The following ETV1 variants were observed in gnomAD, a reference collection of about 807,000 sequenced individuals.
The protein encoded by ETV1 is ETS variant transcription factor 1.
ETV1 carries 27 observed loss-of-function variants against 62.3 expected under a neutral mutation model. The ratio of observed to expected loss-of-function variants is 0.43; its 90% CI spans 0.32 to 0.60. The LOEUF is 0.60. Among genes scored for constraint, ETV1 ranks in the 20% least tolerant of loss-of-function variants. The pLI is 0.06. For synonymous variants in ETV1, 222 were observed against 199.6 expected (o/e 1.11, Z -0.94); for missense variants, 605 against 605.8 (o/e 1.00, Z 0.01).
chr7:13,956,081 A>G (rs1220759453), intron 6 of ETV1, among the ~76,000 whole-genome samples: 1 of 152,226 alleles, frequency 6.6e-6, no homozygotes, highest in African/African-American at 2.4e-5. Context: ...ATTTATACCA[A>G]ATTACAATTA....
At chr7:13,913,505 G>A (rs1783779421) in intron 9 of ETV1, among the ~76,000 whole-genome samples, 1 of 152,122 alleles carries the variant, frequency 6.6e-6, no homozygotes, top group Non-Finnish European at 1.5e-5. Context: ...TTGTTGGGAG[G>A]ACCACGTGGA....
rs1786202060 is a variant in ETV1 at position 13,931,760 on chromosome 7, A to G, written c.555-11T>C. On this transcript the variant is annotated splice_polypyrimidine_tract_variant and intron_variant, in intron 8 of 13. Transcript: ENST00000430479. ...AGCTGGCGGCGAAATCTAGGGAATAAGAGAGTGTGTTTCAGATGAAACGGT... is the reference window on the plus strand; with the variant it reads ...AGCTGGCGGCGAAATCTAGGGAATAGGAGAGTGTGTTTCAGATGAAACGGT... 1.1e-5 allele frequency: 18 copies of G among 1,612,532 alleles called. No individual in the cohort carries two copies. Among genetic ancestry groups the G allele is most frequent in the Admixed American group, 3.3e-5 (2 of 59,978 alleles).
chr7:13,972,769 TG>T, intron 6 of ETV1, among the ~76,000 whole-genome samples: 1 of 152,146 alleles, frequency 6.6e-6, no homozygotes, highest in Non-Finnish European at 1.5e-5. Context: ...TGTTTTCACT[TG>T]GTTTTTATTT....
intron 9 of ETV1, among the ~76,000 whole-genome samples, chr7:13,925,855 C>A (rs931485750): frequency 1.3e-5 from 2 of 151,968 alleles, no homozygotes; most frequent in African/African-American, 4.8e-5. Context: ...CGCGCCTGGC[C>A]CGACTGATTT....
rs1784621156 is a variant in ETV1, at chr7:13,919,804, T to C, written c.803-8497A>G. On this transcript the variant is annotated intron_variant, in intron 9 of 13. Coordinates refer to ENST00000430479, the MANE Select transcript of ETV1 (RefSeq NM_004956.5). ...TCGAAACCTAAAAACAGATACTTAGTTATGTAAACACTTTAAAAAATGTTA... is the reference window on the plus strand; with the variant it reads ...TCGAAACCTAAAAACAGATACTTAGCTATGTAAACACTTTAAAAAATGTTA... Among the ~76,000 whole-genome samples, 4 of 152,198 alleles carry C rather than the reference T, an allele frequency of 2.6e-5. No homozygotes were observed. In the South Asian group the frequency reaches 8.3e-4, roughly 32 times the overall value.
intron 6 of ETV1, among the ~76,000 whole-genome samples, chr7:13,958,556 C>T (rs770054718): frequency 6.6e-6 from 1 of 152,136 alleles, no homozygotes; most frequent in East Asian, 1.9e-4. Flanking sequence ...CAAGGAAGAT[C>T]GTTCCAGTTC....
At chr7:13,899,357 G>A (rs1782174950) in intron 13 of ETV1, among the ~76,000 whole-genome samples, 1 of 152,132 alleles carries the variant, frequency 6.6e-6, no homozygotes. Flanking sequence ...TGAGAAAACA[G>A]GAAGCAACTG....
At chr7:13,942,571 C>T (rs1254942906) in intron 6 of ETV1, among the ~76,000 whole-genome samples, 2 of 152,122 alleles carry the variant, frequency 1.3e-5, no homozygotes, top group African/African-American at 4.8e-5. Context: ...ACCCTCCATC[C>T]TCAAGTAGCC....
rs115390120 is a variant in ETV1, at chr7:13,894,261, C to T, written c.*1605G>A. ...CATGTCCCTTGCTTGAATCTTTTAG[C>T]GAGCTATTCAGAGATTCTATATCCC... On this transcript the variant is annotated 3_prime_UTR_variant, in exon 14 of 14. Coordinates refer to ENST00000430479, the MANE Select transcript of ETV1 (RefSeq NM_004956.5). 0.01 allele frequency: 2,318 copies of T among 229,800 alleles called. 72 individuals carry two copies. Among genetic ancestry groups the T allele is most frequent in the African/African-American group, 0.049 (2,198 of 44,932 alleles). 14.2% of individuals were successfully genotyped at this position (229,800 alleles called of 1,614,324 possible).
chr7:13,965,431 A>G (rs1246160611), intron 6 of ETV1, among the ~76,000 whole-genome samples: 3 of 152,016 alleles, frequency 2.0e-5, no homozygotes, highest in Non-Finnish European at 4.4e-5. Flanking sequence ...TTAGTGAAAC[A>G]CATTCTTTGT....
chr7:13,967,758 T>TG (rs144977528), intron 6 of ETV1, among the ~76,000 whole-genome samples: 3,846 of 152,192 alleles, frequency 0.025, 166 homozygotes, highest in African/African-American at 0.087. Context: ...AATTACGATG[T>TG]GAAGGTCCAC....
rs908086689 is a variant in ETV1, at chr7:13,893,219, A to G, written c.*2647T>C. ...GAAGACATTACATCATTAACAAATGATTTCTATGTTTGAGTAGCCAATTCA... is the reference window on the plus strand; with the variant it reads ...GAAGACATTACATCATTAACAAATGGTTTCTATGTTTGAGTAGCCAATTCA... On this transcript the variant is annotated 3_prime_UTR_variant, in exon 14 of 14. Transcript: ENST00000430479. The G allele has an allele frequency of 2.2e-5, 5 of 232,452 alleles. No homozygotes were observed. Among genetic ancestry groups the G allele is most frequent in the African/African-American group, 8.8e-5 (4 of 45,312 alleles). 14.4% of individuals were successfully genotyped at this position (232,452 alleles called of 1,614,324 possible). A position where few individuals can be genotyped will look rare whatever the true frequency, so the allele number is the denominator to read the frequency against.
chr7:13,939,763 C>A (rs1026652108), intron 6 of ETV1, among the ~76,000 whole-genome samples: 1 of 152,064 alleles, frequency 6.6e-6, no homozygotes, highest in African/African-American at 2.4e-5. Flanking sequence ...TTACTTTGGG[C>A]AAAAACTCAA....
intron 6 of ETV1, among the ~76,000 whole-genome samples, chr7:13,972,957 C>T (rs923279758): frequency 6.6e-6 from 1 of 152,132 alleles, no homozygotes; most frequent in Non-Finnish European, 1.5e-5. Flanking sequence ...AAGTTAGCAT[C>T]CTTCAAAGGT....
intron 7 of ETV1, 101 bp from the exon 8 acceptor site, chr7:13,935,997 C>T: frequency 1.1e-6 from 1 of 922,870 alleles, no homozygotes; most frequent in East Asian, 2.6e-5. Flanking sequence ...AGACTTAAGT[C>T]AAATGGAAAT....
intron 9 of ETV1, among the ~76,000 whole-genome samples, chr7:13,917,854 C>A (rs1259560412): frequency 6.6e-6 from 1 of 151,832 alleles, no homozygotes; most frequent in Non-Finnish European, 1.5e-5. Flanking sequence ...GTCCCAGCTA[C>A]TCGGGAGGCT....
chr7:13,932,044 C>CCCCA (rs1554298780), intron 8 of ETV1, among the ~76,000 whole-genome samples: 7 of 148,058 alleles, frequency 4.7e-5, no homozygotes, highest in Middle Eastern at 3.6e-3. Context: ...TTTTACACAC[C>CCCCA]CACACACACA....
chr7:13,896,740 AAAGG>A (rs1170731622), intron 13 of ETV1, among the ~76,000 whole-genome samples: 8 of 118,906 alleles, frequency 6.7e-5, no homozygotes, highest in Non-Finnish European at 1.2e-4. Flanking sequence ...AAAAAGAAAG[AAAGG>A]AAAGAAAGAA....
intron 11 of ETV1, chr7:13,907,907 T>G: frequency 2.2e-6 from 1 of 463,000 alleles, no homozygotes; most frequent in Non-Finnish European, 4.5e-6. Context: ...AATCATTATG[T>G]TGTTTTGGTC....
Sources: gnomAD v4.1 joint callset for allele counts (sites outside exome capture counted in the v4.1 genomes callset) on GRCh38, gnomAD v4.1.1 for gene constraint, MANE v1.5 for transcripts, NCBI Gene and HGNC (gene_info 2026-07-23, HGNC 2026-07-21) for gene names.